Variants in SETX observed in about 807,000 individuals in gnomAD.
The protein encoded by SETX is helicase senataxin.
SETX carries 90 observed loss-of-function variants against 227.2 expected under a neutral mutation model. The observed-to-expected ratio is 0.40, with a 90% confidence interval of 0.33 to 0.47. The LOEUF is 0.47. SETX is among the 20% of genes least tolerant of loss of function. The pLI, the probability that SETX is intolerant of heterozygous loss-of-function variation, is 0.91. For missense variants in SETX, 3,052 were observed against 3,181.5 expected, an observed-to-expected ratio of 0.96 and a Z score of 0.98; for synonymous variants, 1,210 against 1,113.2, an observed-to-expected ratio of 1.09 and a Z score of -1.73.
At position 132,275,432 on chromosome 9, in the gene SETX, G is replaced by A; in HGVS notation, c.6936-12C>T. On this transcript the variant is annotated splice_polypyrimidine_tract_variant and intron_variant, in intron 22 of 25. Transcript: ENST00000224140. ...CATTTATATATGAGCTAAACAAGAT[G>A]GAAAAAGAAAACACAGTGTTATCAA... is the stretch of plus-strand genomic sequence containing the variant. The A allele has an allele frequency of 6.3e-7, 1 of 1,589,634 alleles. No individual in the cohort carries two copies. Among genetic ancestry groups the A allele is most frequent in the Non-Finnish European group, 8.6e-7 (1 of 1,160,530 alleles).
At chr9:132,306,325 G>A (rs1845333853) in intron 11 of SETX, among the ~76,000 whole-genome samples, 1 of 152,154 alleles carries the variant, frequency 6.6e-6, no homozygotes, top group Non-Finnish European at 1.5e-5. Context: ...CAATTCTCCT[G>A]CATCAGCCTC....
intron 19 of SETX, among the ~76,000 whole-genome samples, chr9:132,281,781 G>A (rs184494976): frequency 1.3e-4 from 20 of 152,184 alleles, no homozygotes; most frequent in African/African-American, 1.7e-4. Flanking sequence ...GCTAACACAC[G>A]TAATGCCAGC....
At position 132,264,923 on chromosome 9, in the gene SETX, G is replaced by C. The variant is rs747516354; in HGVS notation, c.7350C>G (p.Thr2450=). 12 of 1,614,008 alleles carry C rather than the reference G, an allele frequency of 7.4e-6. No individual in the cohort carries two copies. The African/African-American group carries it at 1.2e-4, about 16-fold the overall frequency. Reference sequence around the variant, plus strand: ...CATCATGTCTATAGTTTTTGTCACAGGTCTTAATAATGGCACCACGCTTCT... The same window carrying C: ...CATCATGTCTATAGTTTTTGTCACACGTCTTAATAATGGCACCACGCTTCT... ...DAQKRGAIIK[T]CDKNYRHDAV... is the part of the protein sequence containing the mutation. The change falls in exon 26 of 26, where the codon ACC becomes ACG. Residue 2450 remains threonine (T), a synonymous_variant. Coordinates refer to ENST00000224140, the MANE Select transcript of SETX (RefSeq NM_015046.7).
intron 11 of SETX, among the ~76,000 whole-genome samples, chr9:132,303,339 CAAAA>C (rs76538209): frequency 3.2e-5 from 2 of 61,634 alleles, no homozygotes; most frequent in Non-Finnish European, 7.3e-5. Flanking sequence ...TTTAAAAAAG[CAAAA>C]AAAAAAAAAA....
rs775658101 is a variant in SETX at position 132,296,014 on chromosome 9, C to A, written c.5964G>T (p.Gly1988=). The change falls in exon 15 of 26, where the codon GGG becomes GGT. Residue 1988 remains glycine, a synonymous_variant. Coordinates refer to ENST00000224140, the MANE Select transcript of SETX (RefSeq NM_015046.7). ...YRLLTENQRK[G]HSDENSNAKI... is the part of the protein sequence containing the mutation. ...TGGCATTGGAGTTTTCGTCTGAATGCCCCTTCCTCTGGTTCTACAATTTGC... is the reference window on the plus strand; with the variant it reads ...TGGCATTGGAGTTTTCGTCTGAATGACCCTTCCTCTGGTTCTACAATTTGC... 6.2e-7 allele frequency: 1 copy of A among 1,614,126 alleles called. No homozygotes were observed. The highest frequency in any genetic ancestry group is 8.5e-7 in the Non-Finnish European group (1 of 1,180,040).
In SETX at chr9:132,310,195, C is replaced by T. The variant is rs1017616630; in HGVS notation, c.5374+1562G>A. 2.6e-5 allele frequency among the ~76,000 whole-genome samples: 4 copies of T among 152,304 alleles called. 1 individual carries two copies. The highest frequency in any genetic ancestry group is 4.1e-4 in the South Asian group (2 of 4,828). On this transcript the variant is annotated intron_variant, in intron 11 of 25. Transcript: ENST00000224140. ...CTCAATCTCCCTAATGAGGACATTA[C>T]AAAAGCCCACAAAACACCATCAATA...
chr9:132,341,518 G>A (rs1211583926), intron 5 of SETX, among the ~76,000 whole-genome samples: 1 of 152,102 alleles, frequency 6.6e-6, no homozygotes, highest in Non-Finnish European at 1.5e-5. Flanking sequence ...TCCTGCTCCA[G>A]AACTAGGTCT....
chr9:132,310,275 A>C (rs1564518310), intron 11 of SETX, among the ~76,000 whole-genome samples: 1 of 152,262 alleles, frequency 6.6e-6, no homozygotes, highest in African/African-American at 2.4e-5. Context: ...GTGTTGCTGA[A>C]GACACAGAAA....
intron 23 of SETX, 79 bp from the exon 24 acceptor site, chr9:132,271,887 G>T: frequency 1.5e-6 from 2 of 1,341,448 alleles, no homozygotes; most frequent in African/African-American, 1.5e-5. Context: ...CTAGTTTTTT[G>T]GTTTTTTTTT....
rs749552813 is a variant in SETX at position 132,298,329 on chromosome 9, G to A, written c.5549-17C>T. 6.2e-7 allele frequency: 1 copy of A among 1,602,552 alleles called. No homozygotes were observed. The highest frequency in any genetic ancestry group is 1.1e-5 in the South Asian group (1 of 90,676). ...CATTACGCACTATCATCAAGAAAGA[G>A]AAAAAGCAACTTCAGTTATCACTGA... On this transcript the variant is annotated splice_polypyrimidine_tract_variant and intron_variant, in intron 12 of 25. Transcript: ENST00000224140.
rs567622226 is a variant in SETX at position 132,284,557 on chromosome 9, C to G, written c.6397-1144G>C. Among the ~76,000 whole-genome samples, 127 of 152,336 alleles carry G rather than the reference C, an allele frequency of 8.3e-4. 1 individual carries two copies. The highest frequency in any genetic ancestry group is 6.3e-4 in the Non-Finnish European group (43 of 68,038). On this transcript the variant is annotated intron_variant, in intron 18 of 25. Coordinates refer to ENST00000224140, the MANE Select transcript of SETX (RefSeq NM_015046.7). Reference sequence around the variant, plus strand: ...TGCATTCTGACAATCAGGGTATACACCTGGCTCGGCCAAGCTTCAATGAGT... The same window carrying G: ...TGCATTCTGACAATCAGGGTATACAGCTGGCTCGGCCAAGCTTCAATGAGT...
Position 132,342,722 on chromosome 9 carries a change from T to C in SETX, c.466A>G (p.Ile156Val). The C allele has an allele frequency of 6.2e-7, 1 of 1,613,774 alleles. No homozygotes were observed. Among genetic ancestry groups the C allele is most frequent in the Non-Finnish European group, 8.5e-7 (1 of 1,179,804 alleles). ...TTGGGATGGACTAAAAACAAATAGA[T>C]CCCTGGATGTTTATCAAACACCTGA... Reference protein sequence around the residue: ...SFQVFDKHPGIYLFLVHPNEM... With the variant: ...SFQVFDKHPGVYLFLVHPNEM... The change falls in exon 5 of 26, where the codon ATC becomes GTC. Residue 156 changes from isoleucine to valine, a missense_variant. Around this residue, in one of 10 missense-constraint regions of SETX, gnomAD observed 239 missense variants for 240.8 expected, o/e 0.99. Coordinates refer to ENST00000224140, the MANE Select transcript of SETX (RefSeq NM_015046.7).
chr9:132,286,329 T>C, intron 18 of SETX, 94 bp downstream of exon 18: 1 of 916,726 alleles, frequency 1.1e-6, no homozygotes, highest in Non-Finnish European at 1.7e-6. Flanking sequence ...CCAAAATAAA[T>C]AAATAAAAGC....
At chr9:132,339,842 T>C (rs1284733557) in intron 5 of SETX, among the ~76,000 whole-genome samples, 2 of 152,138 alleles carry the variant, frequency 1.3e-5, no homozygotes, top group Non-Finnish European at 2.9e-5. Flanking sequence ...CTCAAACTCC[T>C]GGCCTCAGGT....
intron 15 of SETX, among the ~76,000 whole-genome samples, chr9:132,290,574 C>CAAAAAAAAAAA (rs59954158): frequency 2.2e-5 from 1 of 44,722 alleles, no homozygotes; most frequent in African/African-American, 5.8e-5. Flanking sequence ...GACTCCGTCT[C>CAAAAAAAAAAA]AAAAAAAAAA....
At chr9:132,276,971 GTATAGGAAATGTATTTAA>G (rs1843197610) in intron 22 of SETX, 71 bp downstream of exon 22, 1 of 1,119,354 alleles carries the variant, frequency 8.9e-7, no homozygotes, top group Non-Finnish European at 1.4e-6. Context: ...AGAGAGATGT[GTATAGGAAATGTATTTAA>G]CAGAAATATG....
intron 11 of SETX, among the ~76,000 whole-genome samples, chr9:132,301,277 T>C (rs7018746): frequency 0.25 from 37,882 of 151,466 alleles, 6,030 homozygotes; most frequent in East Asian, 0.67. Context: ...TTAGTAGAGA[T>C]GGGGTTTCAC....
At position 132,282,351 on chromosome 9, in the gene SETX, G is replaced by A. The variant is rs572759765; in HGVS notation, c.6547-777C>T. On this transcript the variant is annotated intron_variant, in intron 19 of 25. Coordinates refer to ENST00000224140, the MANE Select transcript of SETX (RefSeq NM_015046.7). ...CTCACTCTGTCACCCAGGCTGGAGG[G>A]CAATGACATGATCGTTGTTCACCGC... Among the ~76,000 whole-genome samples, 92 of 150,998 alleles carry A rather than the reference G, an allele frequency of 6.1e-4. No homozygotes were observed. The Middle Eastern group carries it at 0.01, about 17-fold the overall frequency.
rs1176866761 is a variant in SETX, at chr9:132,354,970, A to G, written c.-168T>C. The G allele has an allele frequency of 1.3e-5, 2 of 152,088 alleles. No individual in the cohort carries two copies. Among genetic ancestry groups the G allele is most frequent in the Non-Finnish European group, 1.5e-5 (1 of 68,028 alleles). 9.4% of individuals were successfully genotyped at this position (152,088 alleles called of 1,614,324 possible). ...CCACCTCCATACCGGGCCCCGCTCT[A>G]GGCCACCAGCGGAAGTGCGGGCCCG... On this transcript the variant is annotated 5_prime_UTR_variant, in exon 1 of 26. Transcript: ENST00000224140.
Sources: gnomAD v4.1 joint callset for allele counts (sites outside exome capture counted in the v4.1 genomes callset) on GRCh38, gnomAD v4.1.1 for gene constraint, gnomAD v4.1.1 regional missense constraint, MANE v1.5 for transcripts, NCBI Gene and HGNC (gene_info 2026-07-23, HGNC 2026-07-21) for gene names.